CIDEA: variants seen among roughly 807,000 people sequenced by gnomAD.
The protein encoded by CIDEA is lipid transferase CIDEA.
In CIDEA, 10 loss-of-function variants were observed where a neutral mutation model predicts 18.2. That is an observed-to-expected ratio of 0.55 (90% confidence interval 0.34 to 0.93). CIDEA has a LOEUF of 0.93. CIDEA is among the 40% of genes least tolerant of loss of function. The probability of loss-of-function intolerance (pLI) is 0.02; values close to 1 mark genes in which losing one functional copy is unlikely to be tolerated. For missense variants in CIDEA, 309 were observed against 293.1 expected (o/e 1.05, Z -0.40); for synonymous variants, 128 against 124.8 (o/e 1.03, Z -0.17).
Position 12,270,666 on chromosome 18 carries a change from G to A in CIDEA, c.331-3427G>A, listed in dbSNP as rs536491655. Among the ~76,000 whole-genome samples the A allele has an allele frequency of 1.4e-4, 18 of 124,204 alleles. No individual in the cohort carries two copies. In the East Asian group the frequency reaches 3.7e-3, roughly 26 times the overall value. The allele number at this position is 124,204 out of a possible 152,430, so 81.5% of individuals were successfully genotyped here. A position where few individuals can be genotyped will look rare whatever the true frequency, so the allele number is the denominator to read the frequency against. On this transcript the variant is annotated intron_variant, in intron 3 of 4. Transcript: ENST00000320477. ...AGCACCAATGCACTCCAGCCTGGGC[G>A]ACAGAGCAAGACTCCGTCTCACAAA...
rs1416420594 is a variant in CIDEA, at chr18:12,262,755, T to A, written c.39-70T>A. The A allele has an allele frequency of 2.1e-6, 3 of 1,421,726 alleles. No individual in the cohort carries two copies. The African/African-American group carries it at 4.3e-5, about 20-fold the overall frequency. 88.1% of individuals were successfully genotyped at this position (1,421,726 alleles called of 1,614,324 possible). On this transcript the variant is annotated intron_variant, in intron 1 of 4. Transcript: ENST00000320477. ...GATGCAAATATTAAAAATGCATTATTTTTATGTACTTTCACACTTCTTCTG... is the reference window on the plus strand; with the variant it reads ...GATGCAAATATTAAAAATGCATTATATTTATGTACTTTCACACTTCTTCTG...
intron 4 of CIDEA, among the ~76,000 whole-genome samples, chr18:12,274,939 GAA>G (rs894738874): frequency 5.3e-5 from 8 of 152,228 alleles, no homozygotes; most frequent in African/African-American, 1.9e-4. Context: ...GGGACTGAGA[GAA>G]ACACCAGCAG....
intron 3 of CIDEA, among the ~76,000 whole-genome samples, chr18:12,265,415 C>T (rs149143805): frequency 0.011 from 1,683 of 152,368 alleles, 26 homozygotes; most frequent in African/African-American, 0.038. Flanking sequence ...TGAGCACCCA[C>T]AGACCTCAGG....
chr18:12,260,492 C>A (rs1054430514), intron 1 of CIDEA, among the ~76,000 whole-genome samples: 1 of 152,152 alleles, frequency 6.6e-6, no homozygotes, highest in African/African-American at 2.4e-5. Flanking sequence ...AGCCAACTAT[C>A]GGTTTTTTAT....
intron 3 of CIDEA, among the ~76,000 whole-genome samples, chr18:12,272,971 G>A (rs1490551798): frequency 6.6e-6 from 1 of 152,176 alleles, no homozygotes; most frequent in Admixed American, 6.5e-5. Flanking sequence ...CCTGATATTT[G>A]TACCTTGGGG....
chr18:12,257,564 C>T (rs1392576812), intron 1 of CIDEA, among the ~76,000 whole-genome samples: 1 of 152,222 alleles, frequency 6.6e-6, no homozygotes, highest in Admixed American at 6.5e-5. Flanking sequence ...CCCTGCCTCC[C>T]TCGGGGCAGA....
chr18:12,261,316 G>A lies in CIDEA; in HGVS notation c.39-1509G>A, dbSNP rs1349154623. Among the ~76,000 whole-genome samples, 8 of 151,898 alleles carry A rather than the reference G, an allele frequency of 5.3e-5. No homozygotes were observed. In the South Asian group the frequency reaches 1.2e-3, roughly 24 times the overall value. On this transcript the variant is annotated intron_variant, in intron 1 of 4. Coordinates refer to ENST00000320477, the MANE Select transcript of CIDEA (RefSeq NM_001279.4). ...GGAGAATTGCTTGAACCCAGGAGGC[G>A]GAAGAATCGCTTGAACCATTCCAGT... is the stretch of plus-strand genomic sequence containing the variant.
At chr18:12,261,439 T>G (rs1912188516) in intron 1 of CIDEA, among the ~76,000 whole-genome samples, 1 of 152,210 alleles carries the variant, frequency 6.6e-6, no homozygotes, top group African/African-American at 2.4e-5. Flanking sequence ...TGGCCCCCCT[T>G]CTAGTGACAG....
rs562759750 is a variant in CIDEA, at chr18:12,264,510, T to G, written c.330+57T>G. On this transcript the variant is annotated intron_variant, in intron 3 of 4. Transcript: ENST00000320477. ...CTGGGTAGACTTTTTACCTACAAATTTGTGTGCCCTACTTGGGTGTTGACT... is the reference window on the plus strand; with the variant it reads ...CTGGGTAGACTTTTTACCTACAAATGTGTGTGCCCTACTTGGGTGTTGACT... 42 of 1,452,204 alleles carry G rather than the reference T, an allele frequency of 2.9e-5. No homozygotes were observed. The Admixed American group carries it at 7.9e-4, about 27-fold the overall frequency. The allele number at this position is 1,452,204 out of a possible 1,614,324, so 90.0% of individuals were successfully genotyped here.
chr18:12,258,042 A>G (rs1912086977), intron 1 of CIDEA, among the ~76,000 whole-genome samples: 1 of 152,042 alleles, frequency 6.6e-6, no homozygotes, highest in Non-Finnish European at 1.5e-5. Context: ...ACATAATTTG[A>G]CCCAGAAATC....
intron 1 of CIDEA, among the ~76,000 whole-genome samples, chr18:12,256,034 A>T (rs1912023510): frequency 6.6e-6 from 1 of 152,120 alleles, no homozygotes; most frequent in Non-Finnish European, 1.5e-5. Flanking sequence ...TGTGAAATCT[A>T]CCTGCTCCCA....
At chr18:12,259,079 C>A (rs370592898) in intron 1 of CIDEA, among the ~76,000 whole-genome samples, 70 of 152,348 alleles carry the variant, frequency 4.6e-4, no homozygotes, top group African/African-American at 1.6e-3. Context: ...AGTTCAGAAG[C>A]TGTGTGCCAG....
At chr18:12,262,764 C>A in intron 1 of CIDEA, 61 bp from the exon 2 acceptor site, 1 of 1,493,400 alleles carries the variant, frequency 6.7e-7, no homozygotes, top group Non-Finnish European at 9.3e-7. Flanking sequence ...TTTTTATGTA[C>A]TTTCACACTT....
intron 3 of CIDEA, 147 bp downstream of exon 3, chr18:12,264,600 C>A (rs1043102854): frequency 1.1e-5 from 7 of 631,556 alleles, no homozygotes; most frequent in South Asian, 2.2e-5. Context: ...GTCACCCAGG[C>A]TGGAGTGCAG....
intron 2 of CIDEA, among the ~76,000 whole-genome samples, chr18:12,263,338 G>A (rs551592719): frequency 1.4e-4 from 22 of 152,150 alleles, no homozygotes; most frequent in South Asian, 1.2e-3. Flanking sequence ...CCACTGCACC[G>A]TATACTTTAA....
At chr18:12,273,754 A>G (rs1032509655) in intron 3 of CIDEA, among the ~76,000 whole-genome samples, 4 of 152,196 alleles carry the variant, frequency 2.6e-5, no homozygotes, top group African/African-American at 9.7e-5. Context: ...CCAGGTAACC[A>G]TGGTGGCCTC....
chr18:12,271,104 G>T (rs1296034894), intron 3 of CIDEA, among the ~76,000 whole-genome samples: 2 of 151,942 alleles, frequency 1.3e-5, no homozygotes, highest in African/African-American at 2.4e-5. Flanking sequence ...TCGCCATGTT[G>T]GCCAGGCTGG....
At chr18:12,272,043 G>A (rs1025464555) in intron 3 of CIDEA, among the ~76,000 whole-genome samples, 122 of 151,356 alleles carry the variant, frequency 8.1e-4, no homozygotes, top group African/African-American at 2.8e-3. Flanking sequence ...CCTCTCTGAT[G>A]CCAGGATCTG....
At position 12,270,894 on chromosome 18, in the gene CIDEA, C is replaced by CTTTTTT. The variant is rs771335202; in HGVS notation, c.331-3181_331-3176dup. On this transcript the variant is annotated intron_variant, in intron 3 of 4. Coordinates refer to ENST00000320477, the MANE Select transcript of CIDEA (RefSeq NM_001279.4). Reference sequence around the variant, plus strand: ...TTTCTTTTCTTTTTCTTTTTCTTTTCTTTTTTTTTTTTTTTTTTTTTTTGA... The same window carrying CTTTTTT: ...TTTCTTTTCTTTTTCTTTTTCTTTTCTTTTTTTTTTTTTTTTTTTTTTTTTTTTTGA... Among the ~76,000 whole-genome samples, 348 of 59,816 alleles carry CTTTTTT rather than the reference C, an allele frequency of 5.8e-3. 1 individual carries two copies. Among genetic ancestry groups the CTTTTTT allele is most frequent in the East Asian group, 0.011 (16 of 1,506 alleles). The allele number at this position is 59,816 out of a possible 152,430, so 39.2% of individuals were successfully genotyped here.
Sources: allele counts gnomAD v4.1 joint callset (sites outside exome capture counted in the v4.1 genomes callset), GRCh38; gene constraint gnomAD v4.1.1; transcripts MANE v1.5; gene names NCBI Gene and HGNC (gene_info 2026-07-23, HGNC 2026-07-21).